Variants in ZNF140 observed in about 807,000 individuals in gnomAD.
The protein encoded by ZNF140 is zinc finger protein 140 (clone pHZ-39).
ZNF140 carries 13 observed loss-of-function variants against 12.9 expected under a neutral mutation model. The observed-to-expected ratio is 1.01, with a 90% CI of 0.66 to 1.60. ZNF140 has a LOEUF of 1.60. ZNF140 is among the 40% of genes most tolerant of loss of function. The pLI is 0.00. For missense variants in ZNF140, 531 were observed against 548.8 expected (o/e 0.97, Z 0.32); for synonymous variants, 214 against 186.7 (o/e 1.15, Z -1.19).
intron 4 of ZNF140, among the ~76,000 whole-genome samples, chr12:133,102,761 A>AAAG (rs1955395606): frequency 8.0e-6 from 1 of 124,798 alleles, no homozygotes; most frequent in Non-Finnish European, 2.0e-5. Flanking sequence ...AAAAAAAAAA[A>AAAG]AAAGAAAAAA....
At position 133,095,746 on chromosome 12, in the gene ZNF140, T is replaced by C. The variant is rs543586919; in HGVS notation, c.233-9764T>C. 2.1e-4 allele frequency among the ~76,000 whole-genome samples: 32 copies of C among 151,420 alleles called. No homozygotes were observed. In the East Asian group the frequency reaches 4.5e-3, roughly 21 times the overall value. ...CAAAAAACATGTGAGCAAAAGAATC[T>C]ATGTCATAATTAGGTTTAAGGGAAG... is the stretch of plus-strand genomic sequence containing the variant. On this transcript the variant is annotated intron_variant, in intron 4 of 4. Coordinates refer to ENST00000355557, the MANE Select transcript of ZNF140 (RefSeq NM_003440.4).
chr12:133,084,546 G>C (rs1187034828), intron 4 of ZNF140, among the ~76,000 whole-genome samples: 1 of 152,344 alleles, frequency 6.6e-6, no homozygotes, highest in East Asian at 1.9e-4. Context: ...TGTCGTTTTA[G>C]GCTTGGGTAA....
upstream of ZNF140, chr12:133,080,671 CGG>C (rs1286516840): frequency 3.3e-5 from 5 of 152,274 alleles, no homozygotes; most frequent in Non-Finnish European, 7.3e-5. Flanking sequence ...TCTGGCGCAC[CGG>C]GCCGCGATGG....
At chr12:133,095,684 T>C (rs541317274) in intron 4 of ZNF140, among the ~76,000 whole-genome samples, 48 of 151,510 alleles carry the variant, frequency 3.2e-4, no homozygotes, top group Admixed American at 6.6e-4. Context: ...AAAAGGAATG[T>C]AGTAGGAGAG....
chr12:133,102,127 CTTAA>C (rs1955371120), intron 4 of ZNF140, among the ~76,000 whole-genome samples: 1 of 152,102 alleles, frequency 6.6e-6, no homozygotes, highest in African/African-American at 2.4e-5. Context: ...GGACTAAGAA[CTTAA>C]TTAGTTCTTA....
chr12:133,101,673 G>A (rs1955355159), intron 4 of ZNF140, among the ~76,000 whole-genome samples: 1 of 152,132 alleles, frequency 6.6e-6, no homozygotes. Flanking sequence ...TTGATCTCCT[G>A]ACCTTGTGAT....
chr12:133,083,150 G>A lies in ZNF140; in HGVS notation c.57G>A (p.Glu19=). The change falls in exon 3 of 5, where the codon GAG becomes GAA. Residue 19 remains glutamate, a synonymous_variant. Transcript: ENST00000355557. ...TGGCCATAGACTTCTCCCAGGAGGAGTGGAAATGGCTTCAGCCTGCTCAAA... is the reference window on the plus strand; with the variant it reads ...TGGCCATAGACTTCTCCCAGGAGGAATGGAAATGGCTTCAGCCTGCTCAAA... ...RDVAIDFSQE[E]WKWLQPAQRD... The A allele has an allele frequency of 6.2e-7, 1 of 1,614,236 alleles. No individual in the cohort carries two copies. The highest frequency in any genetic ancestry group is 8.5e-7 in the Non-Finnish European group (1 of 1,180,034).
At chr12:133,088,382 C>T (rs1292516772) in intron 4 of ZNF140, among the ~76,000 whole-genome samples, 1 of 152,208 alleles carries the variant, frequency 6.6e-6, no homozygotes, top group African/African-American at 2.4e-5. Flanking sequence ...TGGCTTCTTT[C>T]ACATACTAAT....
In ZNF140 at chr12:133,083,533, A is replaced by G. The variant is rs1954570962; in HGVS notation, c.204A>G (p.Lys68=). ...AAGGGAAAGAACCCTGGCTGGGGAA[A>G]AGGGAAGTGAAAAGAGATCTGTTTT... The part of the protein sequence containing the change: ...LEQGKEPWLG[K]REVKRDLFSV... The change falls in exon 4 of 5, where the codon AAA becomes AAG. Residue 68 remains lysine, a synonymous_variant. Transcript: ENST00000355557. 4.8e-5 allele frequency: 78 copies of G among 1,614,108 alleles called. 1 individual carries two copies. The highest frequency in any genetic ancestry group is 4.6e-4 in the South Asian group (42 of 91,072).
chr12:133,091,271 G>A (rs1954878373), intron 4 of ZNF140, among the ~76,000 whole-genome samples: 2 of 150,784 alleles, frequency 1.3e-5, no homozygotes, highest in South Asian at 2.1e-4. Flanking sequence ...TGAGACTAGA[G>A]AATGGCGATG....
intron 3 of ZNF140, 30 bp downstream of exon 3, chr12:133,083,259 C>A: frequency 1.3e-6 from 2 of 1,597,428 alleles, no homozygotes; most frequent in Non-Finnish European, 1.7e-6. Flanking sequence ...TCCCTCAAGG[C>A]AAAATTTGAC....
At chr12:133,091,338 G>T (rs1388551993) in intron 4 of ZNF140, among the ~76,000 whole-genome samples, 4 of 151,242 alleles carry the variant, frequency 2.6e-5, no homozygotes, top group Non-Finnish European at 4.4e-5. Flanking sequence ...GTCCTGCACA[G>T]CCCTAGATCC....
intron 4 of ZNF140, among the ~76,000 whole-genome samples, chr12:133,096,481 T>G (rs1955134181): frequency 6.6e-6 from 1 of 152,214 alleles, no homozygotes; most frequent in African/African-American, 2.4e-5. Flanking sequence ...TCCGTACAAT[T>G]TACATTTTTT....
intron 4 of ZNF140, among the ~76,000 whole-genome samples, chr12:133,095,617 A>G (rs1955051961): frequency 6.6e-6 from 1 of 151,792 alleles, no homozygotes; most frequent in Non-Finnish European, 1.5e-5. Context: ...AAGGACCTGC[A>G]CCAGCACCGG....
At chr12:133,098,034 A>T (rs1456251049) in intron 4 of ZNF140, among the ~76,000 whole-genome samples, 1 of 152,002 alleles carries the variant, frequency 6.6e-6, no homozygotes, top group African/African-American at 2.4e-5. Flanking sequence ...GGATTTCACC[A>T]TGTTGGCCAG....
At chr12:133,098,179 CTTCT>C (rs1955209269) in intron 4 of ZNF140, among the ~76,000 whole-genome samples, 2 of 151,992 alleles carry the variant, frequency 1.3e-5, no homozygotes, top group Non-Finnish European at 1.5e-5. Flanking sequence ...TTCATTTTCT[CTTCT>C]TTCTTAGCAT....
chr12:133,106,529 T>C lies in ZNF140; in HGVS notation c.1252T>C (p.Cys418Arg), dbSNP rs1955605101. The change falls in exon 5 of 5, where the codon TGC becomes CGC. Residue 418 changes from cysteine (C) to arginine (R), a missense_variant. By Grantham distance (180) the Cys-to-Arg change is radical. Transcript: ENST00000355557. ...AGAGAAACCCTATGTATGTAAGGTA[T>C]GCAACAAATCCTTCAGCTGGAGCTC... Reference protein sequence around the residue: ...TGEKPYVCKVCNKSFSWSSNL... With the variant: ...TGEKPYVCKVRNKSFSWSSNL... The C allele has an allele frequency of 6.2e-7, 1 of 1,614,080 alleles. No individual in the cohort carries two copies. The highest frequency in any genetic ancestry group is 8.5e-7 in the Non-Finnish European group (1 of 1,180,014).
At chr12:133,094,825 A>C (rs78065638) in intron 4 of ZNF140, among the ~76,000 whole-genome samples, 1 of 151,256 alleles carries the variant, frequency 6.6e-6, no homozygotes, top group African/African-American at 2.5e-5. Context: ...TAACCCCAAC[A>C]GCCCTGATGG....
intron 4 of ZNF140, among the ~76,000 whole-genome samples, chr12:133,100,564 TTTC>T (rs1241927011): frequency 5.3e-5 from 8 of 152,362 alleles, no homozygotes; most frequent in East Asian, 1.9e-4. Context: ...AGTTGCTTTT[TTTC>T]TTCTTCATAT....
Sources: allele counts gnomAD v4.1 joint callset (sites outside exome capture counted in the v4.1 genomes callset), GRCh38; gene constraint gnomAD v4.1.1; transcripts MANE v1.5; gene names NCBI Gene and HGNC (gene_info 2026-07-23, HGNC 2026-07-21).